POGLUT1: variants seen among roughly 807,000 people sequenced by gnomAD.
POGLUT1 encodes protein O-glucosyltransferase 1.
POGLUT1 carries 32 observed loss-of-function variants against 61.3 expected under a neutral mutation model. The observed-to-expected ratio is 0.52, with a 90% CI of 0.39 to 0.70. The LOEUF is 0.70. Among genes scored for constraint, POGLUT1 ranks in the 30% least tolerant of loss-of-function variants. POGLUT1 has a pLI of 0.00. For missense variants in POGLUT1, 411 were observed against 469.8 expected (o/e 0.87, Z 1.16); for synonymous variants, 158 against 158.2 (o/e 1.00, Z 0.01).
Position 119,486,125 on chromosome 3 carries a change from G to A in POGLUT1, c.639-708G>A, listed in dbSNP as rs557087557. 3.9e-4 allele frequency among the ~76,000 whole-genome samples: 60 copies of A among 152,306 alleles called. No homozygotes were observed. In the South Asian group the frequency reaches 5.6e-3, roughly 14 times the overall value. On this transcript the variant is annotated intron_variant, in intron 6 of 10. Coordinates refer to ENST00000295588, the MANE Select transcript of POGLUT1 (RefSeq NM_152305.3). ...ATGGATTATCCAGCTACTATGTCCT[G>A]TTTCTTACCAACTTCTCTGATTCTT...
chr3:119,493,236 A>C lies in POGLUT1; in HGVS notation c.*798A>C, dbSNP rs1320567928. 1 of 152,356 alleles carries C rather than the reference A, an allele frequency of 6.6e-6. No individual in the cohort carries two copies. Among genetic ancestry groups the C allele is most frequent in the Non-Finnish European group, 1.5e-5 (1 of 68,028 alleles). 9.4% of individuals were successfully genotyped at this position (152,356 alleles called of 1,614,324 possible). A position where few individuals can be genotyped will look rare whatever the true frequency, so the allele number is the denominator to read the frequency against. On this transcript the variant is annotated 3_prime_UTR_variant, in exon 11 of 11. Coordinates refer to ENST00000295588, the MANE Select transcript of POGLUT1 (RefSeq NM_152305.3). Reference sequence around the variant, plus strand: ...CTTCCTCACCCTTTGCATACCTTTAATATTTTTCCTTCTTAAATTGGCCAC... The same window carrying C: ...CTTCCTCACCCTTTGCATACCTTTACTATTTTTCCTTCTTAAATTGGCCAC...
At chr3:119,471,104 C>T (rs183930451) in intron 2 of POGLUT1, among the ~76,000 whole-genome samples, 2 of 152,220 alleles carry the variant, frequency 1.3e-5, no homozygotes, top group South Asian at 2.1e-4. Context: ...GACATTGACC[C>T]GCTTTTTACT....
Position 119,486,950 on chromosome 3 carries a change from G to C in POGLUT1, c.738+18G>C, listed in dbSNP as rs1476863109. On this transcript the variant is annotated intron_variant, in intron 7 of 10. Transcript: ENST00000295588. ...CTATGAAAGTAATCACCAGTCATCT[G>C]ACTAGAACTACAGCAGTGAACATTC... The C allele has an allele frequency of 6.9e-7, 1 of 1,454,748 alleles. No individual in the cohort carries two copies. Among genetic ancestry groups the C allele is most frequent in the South Asian group, 1.1e-5 (1 of 87,668 alleles). The allele number at this position is 1,454,748 out of a possible 1,614,324, so 90.1% of individuals were successfully genotyped here.
intron 4 of POGLUT1, among the ~76,000 whole-genome samples, chr3:119,477,881 C>G (rs1010055527): frequency 1.3e-5 from 2 of 152,158 alleles, no homozygotes; most frequent in Non-Finnish European, 2.9e-5. Context: ...CACCATATTC[C>G]GGGGGCCCAG....
At position 119,471,424 on chromosome 3, in the gene POGLUT1, C is replaced by T. The variant is rs762277732; in HGVS notation, c.292C>T (p.Arg98Trp). ...HYQITKNRLY[R>W]ENDCMFPSRC... ...TCAGATCACTAAGAACAGACTGTAC[C>T]GGGAAAATGACTGCATGTTCCCCTC... Residue 98 changes from arginine (R) to tryptophan (W), a missense_variant, in exon 3 of 11, where the codon CGG (arginine) becomes TGG (tryptophan). Physicochemically the swap from Arg to Trp is moderately radical, Grantham distance 101. Transcript: ENST00000295588. The T allele has an allele frequency of 1.9e-5, 31 of 1,613,888 alleles. No homozygotes were observed. Among genetic ancestry groups the T allele is most frequent in the Non-Finnish European group, 2.5e-5 (30 of 1,179,814 alleles).
chr3:119,485,444 G>A (rs2081654009), intron 6 of POGLUT1, 57 bp downstream of exon 6: 2 of 1,175,190 alleles, frequency 1.7e-6, no homozygotes, highest in Non-Finnish European at 2.5e-6. Context: ...TAAAATGTAA[G>A]TAACTTTGAG....
chr3:119,481,968 T>C (rs1055057815), intron 5 of POGLUT1, among the ~76,000 whole-genome samples: 7 of 152,216 alleles, frequency 4.6e-5, no homozygotes, highest in Non-Finnish European at 8.8e-5. Context: ...GGTCTTGCTA[T>C]GTTTCCCAGC....
intron 4 of POGLUT1, chr3:119,479,834 T>A: frequency 8.6e-7 from 1 of 1,169,050 alleles, no homozygotes; most frequent in Non-Finnish European, 1.2e-6. Context: ...ACCTTTAATG[T>A]GATTCTGAAT....
Position 119,492,442 on chromosome 3 carries a change from TC to T in POGLUT1, c.*5del, listed in dbSNP as rs1420933022. On this transcript the variant is annotated 3_prime_UTR_variant, in exon 11 of 11. Coordinates refer to ENST00000295588, the MANE Select transcript of POGLUT1 (RefSeq NM_152305.3). ...AATGTTGAAAACTGAACTATAGTAG[TC>T]ATCATAGGACCATAGTCCTCTTTGT... The T allele has an allele frequency of 1.9e-6, 3 of 1,581,726 alleles. No individual in the cohort carries two copies. Among genetic ancestry groups the T allele is most frequent in the Non-Finnish European group, 2.6e-6 (3 of 1,158,776 alleles).
In POGLUT1 at chr3:119,471,438, C is replaced by T. The variant is rs778346813; in HGVS notation, c.306C>T (p.Cys102=). Residue 102 remains cysteine, a synonymous_variant, in exon 3 of 11, where the codon TGC becomes TGT. Transcript: ENST00000295588. ...ACAGACTGTACCGGGAAAATGACTGCATGTTCCCCTCAAGGTAAGAGTTAA... is the reference window on the plus strand; with the variant it reads ...ACAGACTGTACCGGGAAAATGACTGTATGTTCCCCTCAAGGTAAGAGTTAA... ...TKNRLYREND[C]MFPSRCSGVE... 24 of 1,613,888 alleles carry T rather than the reference C, an allele frequency of 1.5e-5. No homozygotes were observed. Among genetic ancestry groups the T allele is most frequent in the Non-Finnish European group, 1.7e-5 (20 of 1,179,850 alleles).
chr3:119,472,259 A>G (rs2081483331), intron 3 of POGLUT1, among the ~76,000 whole-genome samples: 2 of 151,908 alleles, frequency 1.3e-5, no homozygotes, highest in Admixed American at 6.6e-5. Flanking sequence ...CTCAGAGGGC[A>G]TAATATTCCC....
chr3:119,485,404 C>A lies in POGLUT1; in HGVS notation c.638+17C>A. 1 of 1,563,380 alleles carries A rather than the reference C, an allele frequency of 6.4e-7. No individual in the cohort carries two copies. The highest frequency in any genetic ancestry group is 8.8e-7 in the Non-Finnish European group (1 of 1,135,700). On this transcript the variant is annotated intron_variant, in intron 6 of 10. Coordinates refer to ENST00000295588, the MANE Select transcript of POGLUT1 (RefSeq NM_152305.3). The stretch of plus-strand genomic sequence containing the variant: ...AGGATCAAGGTGAGTTATTTTCTGA[C>A]ATTTTACAAAGATATTCTTCCAAGT...
At chr3:119,487,356 G>A (rs1413634013) in intron 7 of POGLUT1, among the ~76,000 whole-genome samples, 1 of 152,174 alleles carries the variant, frequency 6.6e-6, no homozygotes, top group East Asian at 1.9e-4. Flanking sequence ...GGGAGGCGAG[G>A]CGGGTGGATC....
At position 119,469,118 on chromosome 3, in the gene POGLUT1, G is replaced by T; in HGVS notation, c.85+12G>T. ...CCAGAAGGAGTCAGGTGGGCTCCGG[G>T]CAGTGCCGAGCCTGCCCCTTGGGCT... is the stretch of plus-strand genomic sequence containing the variant. On this transcript the variant is annotated intron_variant, in intron 1 of 10. Transcript: ENST00000295588. 6.3e-7 allele frequency: 1 copy of T among 1,584,962 alleles called. No homozygotes were observed.
intron 5 of POGLUT1, among the ~76,000 whole-genome samples, chr3:119,482,853 T>C (rs1292390402): frequency 6.6e-6 from 1 of 152,210 alleles, no homozygotes; most frequent in Non-Finnish European, 1.5e-5. Flanking sequence ...ATTTCATTTG[T>C]TACTGTCAGA....
At chr3:119,475,807 A>G (rs1444461248) in intron 3 of POGLUT1, among the ~76,000 whole-genome samples, 9 of 149,752 alleles carry the variant, frequency 6.0e-5, no homozygotes, top group East Asian at 2.0e-4. Context: ...GCAAGGCTCC[A>G]TCTCAAAAAA....
In POGLUT1 at chr3:119,477,341, G is replaced by C. The variant is rs777794845; in HGVS notation, c.349G>C (p.Glu117Gln). ...TAGTGGTGTTGAGCACTTTATTTTG[G>C]AAGTGATCGGGCGTCTCCCTGACAT... ...RCSGVEHFIL[E>Q]VIGRLPDMEM... Residue 117 changes from glutamate to glutamine, a missense_variant, in exon 4 of 11, where the codon GAA (glutamate) becomes CAA (glutamine). Glu to Gln is a conservative substitution (Grantham distance 29, BLOSUM62 2). Coordinates refer to ENST00000295588, the MANE Select transcript of POGLUT1 (RefSeq NM_152305.3). The C allele has an allele frequency of 1.2e-5, 19 of 1,613,922 alleles. No individual in the cohort carries two copies. The highest frequency in any genetic ancestry group is 1.7e-5 in the Admixed American group (1 of 59,994).
Position 119,492,980 on chromosome 3 carries a change from T to C in POGLUT1, c.*542T>C, listed in dbSNP as rs917154668. On this transcript the variant is annotated 3_prime_UTR_variant, in exon 11 of 11. Coordinates refer to ENST00000295588, the MANE Select transcript of POGLUT1 (RefSeq NM_152305.3). Reference sequence around the variant, plus strand: ...GTCTAAGGAAGCGGTAGCCATGCCATGCAATGATGTAGGAGTTCTCTTTTG... The same window carrying C: ...GTCTAAGGAAGCGGTAGCCATGCCACGCAATGATGTAGGAGTTCTCTTTTG... 1.3e-5 allele frequency: 2 copies of C among 152,644 alleles called. No individual in the cohort carries two copies. Among genetic ancestry groups the C allele is most frequent in the African/African-American group, 4.8e-5 (2 of 41,458 alleles). The allele number at this position is 152,644 out of a possible 1,614,324, so 9.5% of individuals were successfully genotyped here.
chr3:119,487,929 G>A (rs1202375115), intron 7 of POGLUT1: 2 of 152,190 alleles, frequency 1.3e-5, no homozygotes, highest in Non-Finnish European at 2.9e-5. Flanking sequence ...ATTCTAAGGT[G>A]AAGCCAGAAA....
Sources: allele counts gnomAD v4.1 joint callset (sites outside exome capture counted in the v4.1 genomes callset), GRCh38; gene constraint gnomAD v4.1.1; transcripts MANE v1.5; gene names NCBI Gene and HGNC (gene_info 2026-07-23, HGNC 2026-07-21).